Variants in CPD observed in about 807,000 individuals in gnomAD.
CPD encodes metallocarboxypeptidase D.
Under a neutral mutation model 138.3 loss-of-function variants are expected in CPD, and 69 were observed. That is an observed-to-expected ratio of 0.50 (90% CI 0.41 to 0.61). CPD has a LOEUF of 0.61. Among genes scored for constraint, CPD ranks in the 20% least tolerant of loss-of-function variants. The probability of loss-of-function intolerance (pLI) is 0.00; values close to 1 mark genes in which losing one functional copy is unlikely to be tolerated. For missense variants in CPD, 1,432 were observed against 1,733.3 expected (o/e 0.83, Z 3.09); for synonymous variants, 651 against 642.1 (o/e 1.01, Z -0.21).
chr17:30,379,746 TC>T lies in CPD; in HGVS notation c.746+24del. ...GAACAAGTGAGTGTTGCCTGCCCCC[TC>T]CCCGTCCGTGTGAGCCTCCAAGGGC... On this transcript the variant is annotated intron_variant, in intron 1 of 20. Transcript: ENST00000225719. The surrounding 1 kb of genome is among the most constrained non-coding windows in gnomAD (Gnocchi z 7.0). 1 of 1,419,712 alleles carries T rather than the reference TC, an allele frequency of 7.0e-7. No individual in the cohort carries two copies. Among genetic ancestry groups the T allele is most frequent in the Non-Finnish European group, 9.2e-7 (1 of 1,091,818 alleles). The allele number at this position is 1,419,712 out of a possible 1,614,324, so 87.9% of individuals were successfully genotyped here.
At chr17:30,384,210 G>C (rs1376711458) in intron 1 of CPD, among the ~76,000 whole-genome samples, 3 of 151,962 alleles carry the variant, frequency 2.0e-5, no homozygotes, top group African/African-American at 7.3e-5. Context: ...CACTGAATCA[G>C]GTTGTTTTCT....
At chr17:30,427,636 A>G (rs973631820) in intron 7 of CPD, 78 bp downstream of exon 7, 1 of 1,309,892 alleles carries the variant, frequency 7.6e-7, no homozygotes, top group South Asian at 1.3e-5. Flanking sequence ...ATCTGTTTGT[A>G]GTGTTATGCT....
intron 10 of CPD, among the ~76,000 whole-genome samples, chr17:30,442,685 A>G (rs575523366): frequency 2.0e-5 from 3 of 152,288 alleles, no homozygotes; most frequent in Admixed American, 6.5e-5. Flanking sequence ...TGATTGAACA[A>G]GGTAGTGATA....
intron 8 of CPD, among the ~76,000 whole-genome samples, chr17:30,436,470 A>G (rs1912702016): frequency 6.6e-6 from 1 of 152,234 alleles, no homozygotes; most frequent in South Asian, 2.1e-4. Flanking sequence ...AAGGATCTGA[A>G]TGGACATTTC....
chr17:30,455,876 A>G, intron 15 of CPD: 2 of 251,474 alleles, frequency 8.0e-6, no homozygotes, highest in Non-Finnish European at 1.5e-5. Flanking sequence ...ATGGTGAGTT[A>G]AATAGTTGGT....
rs1390890893 is a variant in CPD, at chr17:30,379,028, C to T, written c.48C>T (p.Leu16=). Residue 16 remains leucine, a synonymous_variant, in exon 1 of 21, where the codon CTC becomes CTT. Coordinates refer to ENST00000225719, the MANE Select transcript of CPD (RefSeq NM_001304.5). The surrounding 1 kb of genome is among the most constrained non-coding windows in gnomAD (Gnocchi z 7.0). ...GGCCGCCTTGGCGGCTAGGGCGGCT[C>T]CTGTTGCTCATGTGCCTGCTGCTGC... ...DERPPWRLGR[L]LLLMCLLLLG... 3 of 1,558,870 alleles carry T rather than the reference C, an allele frequency of 1.9e-6. No individual in the cohort carries two copies. The highest frequency in any genetic ancestry group is 2.6e-6 in the Non-Finnish European group (3 of 1,160,732).
chr17:30,402,370 A>G (rs923984710), intron 2 of CPD, among the ~76,000 whole-genome samples: 2 of 152,204 alleles, frequency 1.3e-5, no homozygotes, highest in Non-Finnish European at 2.9e-5. Context: ...GTTTGAGACC[A>G]GCCTGGCCAA....
rs181755037 is a variant in CPD, at chr17:30,466,159, G to A, written c.*1345G>A. ...TCATGCAATGGAAATGATGCTTTTT[G>A]TAAGTATGCATCTTACCAATGATGT... On this transcript the variant is annotated 3_prime_UTR_variant, in exon 21 of 21. Transcript: ENST00000225719. The A allele has an allele frequency of 7.2e-5, 11 of 152,690 alleles. No homozygotes were observed. In the East Asian group the frequency reaches 2.1e-3, roughly 29 times the overall value. 9.5% of individuals were successfully genotyped at this position (152,690 alleles called of 1,614,324 possible).
chr17:30,431,878 C>T lies in CPD; in HGVS notation c.2124C>T (p.Ser708=). ...AVFQQIALSY[S]KENSQMFQGR... ...TCCAACAAATAGCACTTTCTTATTC[C>T]AAGGTAGGCTTGTCTTTGAATATAA... Residue 708 remains serine (S), a synonymous_variant, in exon 8 of 21, where the codon TCC becomes TCT. Coordinates refer to ENST00000225719, the MANE Select transcript of CPD (RefSeq NM_001304.5). 1 of 1,567,772 alleles carries T rather than the reference C, an allele frequency of 6.4e-7. No individual in the cohort carries two copies. Among genetic ancestry groups the T allele is most frequent in the Non-Finnish European group, 8.7e-7 (1 of 1,143,776 alleles).
chr17:30,460,978 T>G (rs1913456272), intron 17 of CPD, among the ~76,000 whole-genome samples: 1 of 152,222 alleles, frequency 6.6e-6, no homozygotes, highest in Non-Finnish European at 1.5e-5. Flanking sequence ...ACATAGCCCC[T>G]GTCCTCAAGG....
At chr17:30,457,958 C>T (rs538720993) in intron 17 of CPD, among the ~76,000 whole-genome samples, 5 of 152,138 alleles carry the variant, frequency 3.3e-5, no homozygotes, top group East Asian at 1.9e-4. Context: ...TTTGGGAGGC[C>T]GAGGCGGGAG....
intron 1 of CPD, 66 bp from the exon 2 acceptor site, chr17:30,384,923 A>G (rs578201844): frequency 3.8e-5 from 59 of 1,544,284 alleles, no homozygotes; most frequent in Non-Finnish European, 4.7e-5. Flanking sequence ...ATTTTGTGGA[A>G]TTTTTTTAAT....
intron 1 of CPD, chr17:30,380,483 T>C: frequency 7.6e-7 from 1 of 1,311,136 alleles, no homozygotes; most frequent in Non-Finnish European, 9.7e-7. Context: ...ATGTCATTTG[T>C]GCACCTTATT....
Position 30,385,213 on chromosome 17 carries a change from G to A in CPD, c.971G>A (p.Gly324Asp). 6.2e-7 allele frequency: 1 copy of A among 1,614,020 alleles called. No homozygotes were observed. The highest frequency in any genetic ancestry group is 8.5e-7 in the Non-Finnish European group (1 of 1,179,934). ...DETFKDGITNGAHWYDVEGGM... is the reference protein window; with the variant it reads ...DETFKDGITNDAHWYDVEGGM... The stretch of plus-strand genomic sequence containing the variant: ...ACTTTCAAAGATGGAATCACAAACG[G>A]CGCACATTGGTATGATGTGGAAGGT... The change falls in exon 2 of 21, where the codon GGC (glycine) becomes GAC (aspartate). Residue 324 changes from glycine to aspartate, a missense_variant. By Grantham distance (94) the Gly-to-Asp change is moderately conservative. This residue lies in a region of CPD where 484 missense variants were observed against 477.2 expected (regional missense o/e 1.01). Coordinates refer to ENST00000225719, the MANE Select transcript of CPD (RefSeq NM_001304.5).
intron 2 of CPD, among the ~76,000 whole-genome samples, chr17:30,395,994 T>A (rs530466127): frequency 5.5e-4 from 84 of 152,282 alleles, no homozygotes; most frequent in African/African-American, 1.9e-3. Context: ...GGAATTTTTT[T>A]AAGAGCAACC....
intron 14 of CPD, among the ~76,000 whole-genome samples, chr17:30,452,257 C>T (rs1913185106): frequency 6.6e-6 from 1 of 151,212 alleles, no homozygotes; most frequent in African/African-American, 2.4e-5. Flanking sequence ...AATTTCAGTA[C>T]TTATAGATCT....
intron 2 of CPD, among the ~76,000 whole-genome samples, chr17:30,396,807 CTTTCCTTTCA>C (rs979917130): frequency 1.3e-5 from 2 of 151,610 alleles, no homozygotes; most frequent in South Asian, 2.1e-4. Context: ...CTTTCCTTTC[CTTTCCTTTCA>C]TTTCCTCTTC....
chr17:30,381,443 A>G (rs1911043486), intron 1 of CPD, among the ~76,000 whole-genome samples: 1 of 152,220 alleles, frequency 6.6e-6, no homozygotes, highest in African/African-American at 2.4e-5. Flanking sequence ...CCTTGAGGCT[A>G]TACAGAGTCA....
rs138036895 is a variant in CPD, at chr17:30,466,570, T to C, written c.*1756T>C. 28 of 152,746 alleles carry C rather than the reference T, an allele frequency of 1.8e-4. No homozygotes were observed. The East Asian group carries it at 4.0e-3, about 22-fold the overall frequency. The allele number at this position is 152,746 out of a possible 1,614,324, so 9.5% of individuals were successfully genotyped here. On this transcript the variant is annotated 3_prime_UTR_variant, in exon 21 of 21. Transcript: ENST00000225719. ...TGGGATGCTAATAGTTAGTGAAGTA[T>C]ACATGATTTAATTTCTAATAATCTT...
Sources: gnomAD v4.1 joint callset for allele counts (sites outside exome capture counted in the v4.1 genomes callset) on GRCh38, gnomAD v4.1.1 for gene constraint, gnomAD v4.1.1 regional missense constraint, Gnocchi (gnomAD v3.1) non-coding constraint, MANE v1.5 for transcripts, NCBI Gene and HGNC (gene_info 2026-07-23, HGNC 2026-07-21) for gene names.